The following NKAIN2 variants were observed in gnomAD, a reference collection of about 807,000 sequenced individuals.
The protein encoded by NKAIN2 is sodium/potassium transporting ATPase interacting 2, also known as sodium/potassium-transporting ATPase subunit beta-1-interacting protein 2.
NKAIN2 carries 14 observed loss-of-function variants against 32.6 expected under a neutral mutation model. That is an observed-to-expected ratio of 0.43 (90% CI 0.28 to 0.67). The LOEUF is 0.67. NKAIN2 is among the 30% of genes least tolerant of loss of function. NKAIN2 has a pLI of 0.17. For synonymous variants in NKAIN2, 80 were observed against 87.2 expected, an observed-to-expected ratio of 0.92 and a Z score of 0.46; for missense variants, 198 against 258.3, an observed-to-expected ratio of 0.77 and a Z score of 1.60.
intron 4 of NKAIN2, among the ~76,000 whole-genome samples, chr6:124,660,735 G>A (rs1479043): frequency 0.2 from 30,794 of 152,160 alleles, 3,260 homozygotes; most frequent in East Asian, 0.34. Flanking sequence ...GCACAGCCAC[G>A]GCATTACTTG....
At chr6:124,432,321 C>T (rs1775254121) in intron 3 of NKAIN2, among the ~76,000 whole-genome samples, 1 of 152,244 alleles carries the variant, frequency 6.6e-6, no homozygotes, top group Admixed American at 6.5e-5. Flanking sequence ...ATTGTCAAGC[C>T]ACATGTGCAG....
intron 1 of NKAIN2, among the ~76,000 whole-genome samples, chr6:123,873,456 C>T (rs758705096): frequency 2.0e-5 from 3 of 152,080 alleles, no homozygotes; most frequent in Non-Finnish European, 4.4e-5. Flanking sequence ...GTTTCTTTCA[C>T]TTTGTTTTAA....
At chr6:124,244,559 G>T (rs534150274) in intron 1 of NKAIN2, among the ~76,000 whole-genome samples, 66 of 151,940 alleles carry the variant, frequency 4.3e-4, no homozygotes, top group African/African-American at 1.4e-3. Context: ...GTATTTAAAA[G>T]TTCAGCCGAG....
chr6:124,045,093 C>A (rs1436568300), intron 1 of NKAIN2, among the ~76,000 whole-genome samples: 1 of 151,892 alleles, frequency 6.6e-6, no homozygotes, highest in Non-Finnish European at 1.5e-5. Flanking sequence ...TAACAAAGTT[C>A]TCTTTTTCAT....
rs756641856 is a variant in NKAIN2, at chr6:124,286,827, G to A, written c.192+3685G>A. Among the ~76,000 whole-genome samples, 5 of 152,066 alleles carry A rather than the reference G, an allele frequency of 3.3e-5. No individual in the cohort carries two copies. The East Asian group carries it at 5.8e-4, about 18-fold the overall frequency. ...CTCCCAAGTAGCTGGGACTACAGGC[G>A]TGTGCCATCATGCCCGGCTCATTTT... On this transcript the variant is annotated intron_variant, in intron 2 of 6. Coordinates refer to ENST00000368417, the MANE Select transcript of NKAIN2 (RefSeq NM_001040214.3).
At position 124,658,338 on chromosome 6, in the gene NKAIN2, G is replaced by C. The variant is rs375311962; in HGVS notation, c.426G>C (p.Glu142Asp). The change falls in exon 4 of 7, where the codon GAG becomes GAC. Residue 142 changes from glutamate to aspartate, a missense_variant. Coordinates refer to ENST00000368417, the MANE Select transcript of NKAIN2 (RefSeq NM_001040214.3). ...RYITVSGCLL[E>D]YQYIEVAHSS... ...TCACGGTCTCAGGGTGTTTGCTGGA[G>C]TACCAGTACATAGAAGTGGCTCATA... is the stretch of plus-strand genomic sequence containing the variant. 2 of 1,614,132 alleles carry C rather than the reference G, an allele frequency of 1.2e-6. No homozygotes were observed. Among genetic ancestry groups the C allele is most frequent in the South Asian group, 2.2e-5 (2 of 91,078 alleles).
chr6:123,955,672 G>A (rs1167704527), intron 1 of NKAIN2, among the ~76,000 whole-genome samples: 2 of 149,992 alleles, frequency 1.3e-5, no homozygotes, highest in African/African-American at 2.5e-5. Context: ...CACCCAAGCT[G>A]GAGTGCAGTG....
chr6:123,911,118 ATCTACC>A (rs147058762), intron 1 of NKAIN2, among the ~76,000 whole-genome samples: 1,814 of 152,250 alleles, frequency 0.012, 35 homozygotes, highest in African/African-American at 0.042. Flanking sequence ...ACATTTTCAT[ATCTACC>A]TCTAACTACA....
At chr6:123,911,318 G>C (rs866153620) in intron 1 of NKAIN2, among the ~76,000 whole-genome samples, 3 of 152,164 alleles carry the variant, frequency 2.0e-5, no homozygotes, top group South Asian at 4.2e-4. Context: ...ATCTACTTCT[G>C]GTGAGGGCCT....
chr6:124,549,661 C>CG (rs1562250827), intron 3 of NKAIN2, among the ~76,000 whole-genome samples: 1 of 152,336 alleles, frequency 6.6e-6, no homozygotes, highest in East Asian at 1.9e-4. Context: ...GAATCTGAGA[C>CG]AGGTTTTCAG....
chr6:124,104,204 G>A (rs115362907), intron 1 of NKAIN2, among the ~76,000 whole-genome samples: 344 of 152,302 alleles, frequency 2.3e-3, no homozygotes, highest in African/African-American at 7.5e-3. Flanking sequence ...GTGAAGAAAT[G>A]CTTCTCATCC....
intron 1 of NKAIN2, among the ~76,000 whole-genome samples, chr6:124,206,430 C>A (rs1427298245): frequency 6.6e-6 from 1 of 151,748 alleles, no homozygotes; most frequent in African/African-American, 2.4e-5. Flanking sequence ...TGTAATATAC[C>A]AAGTCTCAAG....
chr6:124,347,230 G>T (rs1441866011), intron 2 of NKAIN2, among the ~76,000 whole-genome samples: 3 of 152,126 alleles, frequency 2.0e-5, no homozygotes, highest in African/African-American at 7.2e-5. Flanking sequence ...GCTTCCCTTT[G>T]TGGGTAACCC....
At chr6:124,568,037 A>G (rs147362854) in intron 3 of NKAIN2, among the ~76,000 whole-genome samples, 2 of 152,230 alleles carry the variant, frequency 1.3e-5, no homozygotes, top group East Asian at 3.9e-4. Flanking sequence ...GACAATATAA[A>G]AAGCAGAAGA....
chr6:124,085,428 T>A (rs1784152214), intron 1 of NKAIN2, among the ~76,000 whole-genome samples: 1 of 151,860 alleles, frequency 6.6e-6, no homozygotes, highest in South Asian at 2.1e-4. Flanking sequence ...CAGAACTGGG[T>A]TGAGGGGCAG....
chr6:123,804,161 G>A lies in NKAIN2; in HGVS notation c.-40G>A. ...ATAAAGTGGGGGCTCGACGGTGGCC[G>A]ACGTGGGACAGTCTGGCTGTGGCAG... On this transcript the variant is annotated 5_prime_UTR_variant, in exon 1 of 7. Transcript: ENST00000368417. 9 of 1,598,972 alleles carry A rather than the reference G, an allele frequency of 5.6e-6. No homozygotes were observed. The highest frequency in any genetic ancestry group is 2.2e-5 in the East Asian group (1 of 44,756).
intron 1 of NKAIN2, among the ~76,000 whole-genome samples, chr6:124,217,439 A>G (rs1791534560): frequency 1.3e-5 from 2 of 152,112 alleles, no homozygotes; most frequent in African/African-American, 4.8e-5. Flanking sequence ...GTAGAGAAAA[A>G]AAAAAGTCTT....
At chr6:124,624,372 T>C (rs1783223138) in intron 3 of NKAIN2, among the ~76,000 whole-genome samples, 1 of 152,106 alleles carries the variant, frequency 6.6e-6, no homozygotes, top group African/African-American at 2.4e-5. Flanking sequence ...GGAACCTCCA[T>C]CAGGTTCTGC....
At chr6:124,380,386 T>G (rs920157320) in intron 3 of NKAIN2, among the ~76,000 whole-genome samples, 2 of 152,204 alleles carry the variant, frequency 1.3e-5, no homozygotes, top group African/African-American at 4.8e-5. Flanking sequence ...CTTCTTCACA[T>G]GTAGATGTGC....
Sources: gnomAD v4.1 joint callset for allele counts (sites outside exome capture counted in the v4.1 genomes callset) on GRCh38, gnomAD v4.1.1 for gene constraint, MANE v1.5 for transcripts, NCBI Gene and HGNC (gene_info 2026-07-23, HGNC 2026-07-21) for gene names.